The following SLC24A3 variants were observed in gnomAD, a reference collection of about 807,000 sequenced individuals.
The protein encoded by SLC24A3 is sodium/potassium/calcium exchanger 3.
In SLC24A3, 28 loss-of-function variants were observed where a neutral mutation model predicts 75.8. That is an observed-to-expected ratio of 0.37 (90% CI 0.27 to 0.51). SLC24A3 has a LOEUF of 0.51. Ranked by LOEUF, SLC24A3 falls within the 20% of genes least tolerant of loss-of-function variation. The pLI, the probability that SLC24A3 is intolerant of heterozygous loss-of-function variation, is 0.94. For missense variants in SLC24A3, 663 were observed against 847.8 expected, an observed-to-expected ratio of 0.78 and a Z score of 2.71; for synonymous variants, 372 against 334.1, an observed-to-expected ratio of 1.11 and a Z score of -1.24.
At chr20:19,296,551 T>C (rs1984064838) in intron 2 of SLC24A3, among the ~76,000 whole-genome samples, 1 of 152,218 alleles carries the variant, frequency 6.6e-6, no homozygotes, top group Non-Finnish European at 1.5e-5. Context: ...AAGAGCTAAC[T>C]GTCCTAAATA....
chr20:19,308,222 A>G (rs948245257), intron 2 of SLC24A3, among the ~76,000 whole-genome samples: 5 of 152,228 alleles, frequency 3.3e-5, no homozygotes, highest in Non-Finnish European at 7.3e-5. Context: ...TCATAAAGCA[A>G]TGCTTTGAAA....
intron 2 of SLC24A3, among the ~76,000 whole-genome samples, chr20:19,373,683 C>T (rs1193721592): frequency 6.6e-6 from 1 of 152,124 alleles, no homozygotes; most frequent in Non-Finnish European, 1.5e-5. Context: ...TTCCTGGATC[C>T]TAAGTTACGG....
intron 2 of SLC24A3, among the ~76,000 whole-genome samples, chr20:19,310,427 T>G (rs529767389): frequency 6.6e-6 from 1 of 152,336 alleles, no homozygotes; most frequent in South Asian, 2.1e-4. Flanking sequence ...TCTTCCATTT[T>G]TAAACCTGGT....
intron 6 of SLC24A3, among the ~76,000 whole-genome samples, chr20:19,629,856 A>G (rs1344114134): frequency 6.6e-6 from 1 of 152,246 alleles, no homozygotes. Context: ...ATAAAAGCTG[A>G]GAGAGTTATC....
chr20:19,503,028 GA>G (rs11476234), intron 2 of SLC24A3, among the ~76,000 whole-genome samples: 34,629 of 109,482 alleles, frequency 0.32, 4,642 homozygotes, highest in African/African-American at 0.42. Flanking sequence ...CCTTGTCTCA[GA>G]AAAAAAAAAA....
At chr20:19,341,407 G>C (rs1985270790) in intron 2 of SLC24A3, among the ~76,000 whole-genome samples, 1 of 152,194 alleles carries the variant, frequency 6.6e-6, no homozygotes, top group African/African-American at 2.4e-5. Context: ...GGATCACGTA[G>C]GTTTGGGAAC....
intron 15 of SLC24A3, among the ~76,000 whole-genome samples, chr20:19,714,606 T>A (rs556953226): frequency 7.2e-5 from 11 of 152,002 alleles, no homozygotes; most frequent in Admixed American, 3.3e-4. Flanking sequence ...AGAGCCCAGG[T>A]CTCTAACAAT....
intron 2 of SLC24A3, among the ~76,000 whole-genome samples, chr20:19,419,091 T>G (rs965109519): frequency 6.6e-6 from 1 of 152,204 alleles, no homozygotes; most frequent in East Asian, 1.9e-4. Flanking sequence ...AAACTGTAGT[T>G]CAAGTAACCA....
chr20:19,638,923 G>A (rs1418859676), intron 6 of SLC24A3, among the ~76,000 whole-genome samples: 1 of 152,122 alleles, frequency 6.6e-6, no homozygotes, highest in African/African-American at 2.4e-5. Flanking sequence ...GCTCATAAAA[G>A]CAGTGTGGAC....
intron 6 of SLC24A3, among the ~76,000 whole-genome samples, chr20:19,598,344 G>A (rs1389779917): frequency 6.6e-6 from 1 of 152,156 alleles, no homozygotes; most frequent in Non-Finnish European, 1.5e-5. Context: ...TTTCCAGATG[G>A]TGTGCAGACC....
chr20:19,622,825 T>C (rs1234065497), intron 6 of SLC24A3, among the ~76,000 whole-genome samples: 3 of 152,124 alleles, frequency 2.0e-5, no homozygotes, highest in South Asian at 2.1e-4. Flanking sequence ...CAGCATCTGC[T>C]TGTGGTGAGG....
intron 6 of SLC24A3, among the ~76,000 whole-genome samples, chr20:19,621,489 G>C (rs112432038): frequency 6.6e-6 from 1 of 152,214 alleles, no homozygotes; most frequent in Admixed American, 6.5e-5. Flanking sequence ...GTTAGAGTGT[G>C]TTGGTTCTCA....
intron 7 of SLC24A3, among the ~76,000 whole-genome samples, chr20:19,663,408 A>G (rs1018005178): frequency 2.2e-4 from 3 of 13,336 alleles, no homozygotes; most frequent in Admixed American, 1.2e-3. Context: ...CTCCTCCTCC[A>G]CCTCCTCCTC....
At chr20:19,599,442 T>A (rs1341979578) in intron 6 of SLC24A3, among the ~76,000 whole-genome samples, 3 of 151,850 alleles carry the variant, frequency 2.0e-5, no homozygotes, top group Non-Finnish European at 2.9e-5. Context: ...GTGGCCTGCA[T>A]GTGTGATGCG....
At chr20:19,438,336 A>T (rs1987241136) in intron 2 of SLC24A3, among the ~76,000 whole-genome samples, 1 of 152,164 alleles carries the variant, frequency 6.6e-6, no homozygotes, top group African/African-American at 2.4e-5. Flanking sequence ...TACAGCCGTT[A>T]TTTCTGAGTG....
At chr20:19,291,149 G>GT (rs1983932683) in intron 2 of SLC24A3, among the ~76,000 whole-genome samples, 1 of 152,196 alleles carries the variant, frequency 6.6e-6, no homozygotes, top group Non-Finnish European at 1.5e-5. Flanking sequence ...GGTGCCCCTG[G>GT]GGCTGAGGGC....
chr20:19,391,673 G>C (rs745821172), intron 2 of SLC24A3, among the ~76,000 whole-genome samples: 1 of 152,192 alleles, frequency 6.6e-6, no homozygotes, highest in Non-Finnish European at 1.5e-5. Flanking sequence ...CCAGAACACT[G>C]CATTTTTAGC....
intron 6 of SLC24A3, among the ~76,000 whole-genome samples, chr20:19,588,007 A>G (rs116815548): frequency 1.1e-3 from 172 of 152,306 alleles, no homozygotes; most frequent in African/African-American, 4.0e-3. Flanking sequence ...AGCTTAATTA[A>G]CAGACACAGG....
chr20:19,351,488 C>T (rs1985564023), intron 2 of SLC24A3, among the ~76,000 whole-genome samples: 1 of 152,186 alleles, frequency 6.6e-6, no homozygotes, highest in African/African-American at 2.4e-5. Flanking sequence ...TATGTCCTGG[C>T]CTGCGAGTCA....
Sources: gnomAD v4.1 joint callset for allele counts (sites outside exome capture counted in the v4.1 genomes callset) on GRCh38, gnomAD v4.1.1 for gene constraint, MANE v1.5 for transcripts, NCBI Gene and HGNC (gene_info 2026-07-23, HGNC 2026-07-21) for gene names.